Variants in RUNX2 observed in about 807,000 individuals in gnomAD.
The protein encoded by RUNX2 is runt-related transcription factor 2.
Under a neutral mutation model 51.7 loss-of-function variants are expected in RUNX2, and 10 were observed. The ratio of observed to expected loss-of-function variants is 0.19; its 90% CI spans 0.12 to 0.33. The LOEUF is 0.33. RUNX2 is among the 10% of genes least tolerant of loss of function. The pLI is 1.00. For missense variants in RUNX2, 562 were observed against 691.3 expected (o/e 0.81, Z 2.10); for synonymous variants, 276 against 273.6 (o/e 1.01, Z -0.09).
chr6:45,452,733 T>C (rs916745234), intron 5 of RUNX2, among the ~76,000 whole-genome samples: 4 of 152,076 alleles, frequency 2.6e-5, no homozygotes, highest in Admixed American at 1.3e-4. Context: ...TGCATACAAT[T>C]TTCTCTAAGG....
At chr6:45,456,603 G>A (rs1799327019) in intron 5 of RUNX2, among the ~76,000 whole-genome samples, 2 of 152,128 alleles carry the variant, frequency 1.3e-5, no homozygotes, top group African/African-American at 4.8e-5. Flanking sequence ...GCTATGTTGG[G>A]CACTCTAAGC....
intron 7 of RUNX2, among the ~76,000 whole-genome samples, chr6:45,516,261 AT>A (rs1801317330): frequency 6.6e-6 from 1 of 152,240 alleles, no homozygotes; most frequent in Non-Finnish European, 1.5e-5. Flanking sequence ...CAGAGGTACA[AT>A]ACAATGATTC....
chr6:45,492,826 T>C (rs1408991828), intron 6 of RUNX2, among the ~76,000 whole-genome samples: 1 of 152,218 alleles, frequency 6.6e-6, no homozygotes, highest in Non-Finnish European at 1.5e-5. Context: ...TTTGAATGCT[T>C]TTAGGTCATG....
chr6:45,422,629 G>A lies in RUNX2; in HGVS notation c.95G>A (p.Ser32Asn). ...STSRRFSPPS[S>N]SLQPGKMSDV... Reference sequence around the variant, plus strand: ...AGCCGGCGCTTCAGCCCCCCCTCCAGCAGCCTGCAGCCCGGCAAAATGAGC... The same window carrying A: ...AGCCGGCGCTTCAGCCCCCCCTCCAACAGCCTGCAGCCCGGCAAAATGAGC... Residue 32 changes from serine to asparagine, a missense_variant, in exon 3 of 9, where the codon AGC becomes AAC. Coordinates refer to ENST00000647337, the MANE Select transcript of RUNX2 (RefSeq NM_001024630.4). 1 of 1,604,860 alleles carries A rather than the reference G, an allele frequency of 6.2e-7. No individual in the cohort carries two copies. The highest frequency in any genetic ancestry group is 8.5e-7 in the Non-Finnish European group (1 of 1,176,514).
chr6:45,377,641 G>C (rs1179090159), intron 2 of RUNX2: 9 of 152,152 alleles, frequency 5.9e-5, no homozygotes, highest in East Asian at 1.9e-4. Context: ...AGCCGCCCTC[G>C]AGCCGGGGCC....
intron 2 of RUNX2, among the ~76,000 whole-genome samples, chr6:45,375,941 T>G (rs1796717097): frequency 6.6e-6 from 1 of 152,164 alleles, no homozygotes; most frequent in Admixed American, 6.5e-5. Flanking sequence ...AGTTCTAAAA[T>G]GTCCTAATGC....
intron 2 of RUNX2, chr6:45,365,132 ATGTCTAT>A (rs1794908874): frequency 1.1e-6 from 1 of 896,962 alleles, no homozygotes; most frequent in Non-Finnish European, 1.7e-6. Flanking sequence ...AAATGTTGTT[ATGTCTAT>A]TGTCTTTCAA....
intron 5 of RUNX2, among the ~76,000 whole-genome samples, chr6:45,458,198 T>G (rs1184954728): frequency 6.6e-6 from 1 of 152,108 alleles, no homozygotes; most frequent in Non-Finnish European, 1.5e-5. Context: ...GGCTAATTTT[T>G]GTATTTTTAG....
chr6:45,533,213 T>A (rs1284844479), intron 7 of RUNX2, among the ~76,000 whole-genome samples: 1 of 152,116 alleles, frequency 6.6e-6, no homozygotes, highest in Non-Finnish European at 1.5e-5. Context: ...TTCTATTTTT[T>A]AAAAAATTTG....
intron 2 of RUNX2, among the ~76,000 whole-genome samples, chr6:45,350,198 T>C (rs932314907): frequency 6.6e-6 from 1 of 152,182 alleles, no homozygotes; most frequent in Non-Finnish European, 1.5e-5. Flanking sequence ...TTTGTGTTTG[T>C]TTTATTCACT....
intron 2 of RUNX2, 195 bp from the exon 3 acceptor site, chr6:45,422,398 G>T: frequency 1.7e-6 from 1 of 603,670 alleles, no homozygotes. Context: ...AGACTCTGTT[G>T]GCCCATCAGA....
chr6:45,477,414 T>C (rs1396894932), intron 5 of RUNX2, among the ~76,000 whole-genome samples: 1 of 152,232 alleles, frequency 6.6e-6, no homozygotes, highest in Non-Finnish European at 1.5e-5. Flanking sequence ...CACCTGAATA[T>C]GTCCCATGGG....
chr6:45,449,270 T>A (rs1212072758), intron 5 of RUNX2, among the ~76,000 whole-genome samples: 1 of 152,146 alleles, frequency 6.6e-6, no homozygotes, highest in Non-Finnish European at 1.5e-5. Context: ...TAGCTGGGAG[T>A]AACTCCTAAG....
At chr6:45,423,488 TCTC>T (rs1449283127) in intron 3 of RUNX2, among the ~76,000 whole-genome samples, 2 of 151,790 alleles carry the variant, frequency 1.3e-5, no homozygotes, top group Non-Finnish European at 2.9e-5. Flanking sequence ...GCCAAACGCC[TCTC>T]CTCAGGTCTC....
At chr6:45,457,660 G>A (rs964101828) in intron 5 of RUNX2, among the ~76,000 whole-genome samples, 25 of 152,066 alleles carry the variant, frequency 1.6e-4, no homozygotes, top group Non-Finnish European at 3.1e-4. Context: ...TTTATTCAAC[G>A]CTTGTAAAAA....
rs145991937 is a variant in RUNX2 at position 45,535,371 on chromosome 6, G to T, written c.1022-9846G>T. On this transcript the variant is annotated intron_variant, in intron 7 of 8. Transcript: ENST00000647337. The stretch of plus-strand genomic sequence containing the variant: ...TGTAATCCCAGCACTTTGGGAGGCC[G>T]AGGCGGGCAGATCACGAGGTCAGGA... Among the ~76,000 whole-genome samples, 724 of 152,244 alleles carry T rather than the reference G, an allele frequency of 4.8e-3. 1 individual carries two copies. The highest frequency in any genetic ancestry group is 0.019 in the South Asian group (93 of 4,820).
intron 7 of RUNX2, chr6:45,513,383 A>T (rs1221671211): frequency 6.6e-6 from 1 of 152,166 alleles, no homozygotes; most frequent in African/African-American, 2.4e-5. Context: ...TGGCCAGGTT[A>T]ATGCCTTTCT....
chr6:45,403,878 A>C (rs1467177561), intron 2 of RUNX2, among the ~76,000 whole-genome samples: 1 of 152,200 alleles, frequency 6.6e-6, no homozygotes, highest in East Asian at 1.9e-4. Flanking sequence ...AAGAATAGGG[A>C]GCCAGTTTGG....
At chr6:45,533,815 A>G (rs7748231) in intron 7 of RUNX2, among the ~76,000 whole-genome samples, 70,365 of 151,374 alleles carry the variant, frequency 0.46, 17,639 homozygotes, top group African/African-American at 0.64. Context: ...ACCAGTCATC[A>G]CTTTAAAAAT....
Sources: allele counts gnomAD v4.1 joint callset (sites outside exome capture counted in the v4.1 genomes callset), GRCh38; gene constraint gnomAD v4.1.1; transcripts MANE v1.5; gene names NCBI Gene and HGNC (gene_info 2026-07-23, HGNC 2026-07-21).